PARPBP: variants seen among roughly 807,000 people sequenced by gnomAD.
The protein encoded by PARPBP is PCNA-interacting partner.
A neutral mutation model predicts 50.0 loss-of-function variants in PARPBP; 52 were observed. The observed-to-expected ratio is 1.04, with a 90% CI of 0.83 to 1.31. The LOEUF (loss-of-function observed/expected upper bound fraction) is 1.31, where lower values mean the gene tolerates loss of function less well. Among genes scored for constraint, PARPBP ranks in the 50% most tolerant of loss-of-function variants. The pLI is 0.00. For missense variants in PARPBP, 697 were observed against 672.0 expected (o/e 1.04, Z -0.41); for synonymous variants, 244 against 232.1 (o/e 1.05, Z -0.47).
chr12:102,141,712 C>T (rs1884633459), intron 2 of PARPBP, among the ~76,000 whole-genome samples: 1 of 152,148 alleles, frequency 6.6e-6, no homozygotes, highest in Non-Finnish European at 1.5e-5. Context: ...ATTTGCTTGT[C>T]TGTAAAGGAT....
chr12:102,197,041 T>G lies in PARPBP; in HGVS notation c.*750T>G, dbSNP rs940870183. 1.9e-6 allele frequency: 3 copies of G among 1,612,096 alleles called. No individual in the cohort carries two copies. The African/African-American group carries it at 4.0e-5, about 22-fold the overall frequency. On this transcript the variant is annotated 3_prime_UTR_variant, in exon 11 of 11. Transcript: ENST00000327680. Reference sequence around the variant, plus strand: ...TTCATCCCCAATTTCTCTCTTTTCTTGTGTTGATTCAGTATTCTGAACTCC... The same window carrying G: ...TTCATCCCCAATTTCTCTCTTTTCTGGTGTTGATTCAGTATTCTGAACTCC...
Position 102,196,047 on chromosome 12 carries a change from C to T in PARPBP, c.1496C>T (p.Ser499Leu), listed in dbSNP as rs143436739. 15 of 1,611,330 alleles carry T rather than the reference C, an allele frequency of 9.3e-6. No individual in the cohort carries two copies. The African/African-American group carries it at 1.6e-4, about 17-fold the overall frequency. The change falls in exon 11 of 11, where the codon TCA (serine) becomes TTA (leucine). Residue 499 changes from serine to leucine, a missense_variant. Coordinates refer to ENST00000327680, the MANE Select transcript of PARPBP (RefSeq NM_017915.5). ...AAAAATGAAAAAGTATCAAGAAAAT[C>T]AACCAGTCAGACAGGAAATAAAAGC... ...RSKNEKVSRK[S>L]TSQTGNKSSK...
At chr12:102,157,405 T>C (rs150156445) in intron 4 of PARPBP, among the ~76,000 whole-genome samples, 31 of 152,186 alleles carry the variant, frequency 2.0e-4, no homozygotes, top group Non-Finnish European at 4.0e-4. Context: ...CCCAAAATGG[T>C]TTTATATCTC....
chr12:102,164,426 T>G lies in PARPBP; in HGVS notation c.496-12T>G, dbSNP rs1274617442. ...TGCAATAAAGAAATTAACTGAATAT[T>G]TTATTGCACAGGTGCAGCTGCTAGC... is the stretch of plus-strand genomic sequence containing the variant. On this transcript the variant is annotated splice_polypyrimidine_tract_variant and intron_variant, in intron 4 of 10. Coordinates refer to ENST00000327680, the MANE Select transcript of PARPBP (RefSeq NM_017915.5). 1 of 1,595,322 alleles carries G rather than the reference T, an allele frequency of 6.3e-7. No individual in the cohort carries two copies. Among genetic ancestry groups the G allele is most frequent in the Admixed American group, 1.7e-5 (1 of 58,984 alleles).
At chr12:102,173,397 A>G (rs894341752) in intron 6 of PARPBP, among the ~76,000 whole-genome samples, 29 of 152,334 alleles carry the variant, frequency 1.9e-4, no homozygotes, top group African/African-American at 6.5e-4. Flanking sequence ...TCAGTGTAGT[A>G]AGACAAAAAG....
chr12:102,156,745 G>A (rs559818906), intron 4 of PARPBP, among the ~76,000 whole-genome samples: 35 of 152,012 alleles, frequency 2.3e-4, no homozygotes, highest in Non-Finnish European at 4.6e-4. Context: ...AGGTTCAAGC[G>A]ATCCTCCCAC....
intron 4 of PARPBP, among the ~76,000 whole-genome samples, chr12:102,160,242 C>G (rs772227396): frequency 2.0e-5 from 3 of 152,148 alleles, no homozygotes; most frequent in East Asian, 1.9e-4. Context: ...TGTGAGGACT[C>G]CAAGATGTTT....
intron 8 of PARPBP, among the ~76,000 whole-genome samples, chr12:102,181,760 C>A (rs1403959298): frequency 2.0e-5 from 3 of 152,102 alleles, no homozygotes; most frequent in Admixed American, 2.0e-4. Flanking sequence ...GAACAAAACA[C>A]CCCAGACTAG....
At chr12:102,176,415 G>A (rs760305847) in intron 7 of PARPBP, among the ~76,000 whole-genome samples, 1 of 152,086 alleles carries the variant, frequency 6.6e-6, no homozygotes, top group Non-Finnish European at 1.5e-5. Context: ...CTTCCATTCA[G>A]CAGTTTACTT....
At chr12:102,167,382 T>A (rs1387576754) in intron 6 of PARPBP, among the ~76,000 whole-genome samples, 1 of 152,188 alleles carries the variant, frequency 6.6e-6, no homozygotes, top group Non-Finnish European at 1.5e-5. Context: ...GTCTTTGTTT[T>A]ATCTAGATTG....
intron 9 of PARPBP, among the ~76,000 whole-genome samples, chr12:102,186,045 T>G (rs1313768995): frequency 6.6e-6 from 1 of 152,158 alleles, no homozygotes; most frequent in Non-Finnish European, 1.5e-5. Context: ...CTTGGTAGAT[T>G]GTGTATATGC....
chr12:102,141,988 A>G (rs898233342), intron 2 of PARPBP, among the ~76,000 whole-genome samples: 1 of 152,086 alleles, frequency 6.6e-6, no homozygotes, highest in African/African-American at 2.4e-5. Flanking sequence ...CTCGAGGAGT[A>G]TCTTTGTGGA....
At chr12:102,145,355 A>G (rs1885202853) in intron 2 of PARPBP, among the ~76,000 whole-genome samples, 2 of 152,188 alleles carry the variant, frequency 1.3e-5, no homozygotes, top group Non-Finnish European at 2.9e-5. Context: ...GAAGACAGCA[A>G]TGTATTACAT....
intron 5 of PARPBP, among the ~76,000 whole-genome samples, chr12:102,164,870 T>A (rs1225123381): frequency 3.9e-5 from 6 of 152,232 alleles, no homozygotes; most frequent in African/African-American, 1.4e-4. Context: ...GTTTCCAGTG[T>A]CAAAACGTTT....
In PARPBP at chr12:102,196,566, G is replaced by A. The variant is rs1891329566; in HGVS notation, c.*275G>A. On this transcript the variant is annotated 3_prime_UTR_variant, in exon 11 of 11. Transcript: ENST00000327680. Reference sequence around the variant, plus strand: ...TAAAACAGACATTTAACATACACAAGTTATAGTAGCAGTATGGGCTTCTCC... The same window carrying A: ...TAAAACAGACATTTAACATACACAAATTATAGTAGCAGTATGGGCTTCTCC... The A allele has an allele frequency of 9.5e-6, 9 of 948,544 alleles. No individual in the cohort carries two copies. Among genetic ancestry groups the A allele is most frequent in the Non-Finnish European group, 1.6e-5 (9 of 577,006 alleles). The allele number at this position is 948,544 out of a possible 1,614,324, so 58.8% of individuals were successfully genotyped here.
chr12:102,150,894 G>A (rs886355459), intron 3 of PARPBP, among the ~76,000 whole-genome samples: 1 of 152,154 alleles, frequency 6.6e-6, no homozygotes, highest in Non-Finnish European at 1.5e-5. Context: ...GTGAGGCTTG[G>A]GAGAACACAA....
chr12:102,191,270 A>G (rs1053993741), intron 9 of PARPBP, among the ~76,000 whole-genome samples: 6 of 152,216 alleles, frequency 3.9e-5, no homozygotes, highest in Non-Finnish European at 5.9e-5. Flanking sequence ...AGGATCATAA[A>G]ACGATAATGC....
At chr12:102,127,759 A>AT (rs1882231889) in intron 2 of PARPBP, among the ~76,000 whole-genome samples, 1 of 152,224 alleles carries the variant, frequency 6.6e-6, no homozygotes, top group African/African-American at 2.4e-5. Context: ...TATTCAAAAT[A>AT]TATTGTTAAT....
intron 1 of PARPBP, chr12:102,120,608 T>C: frequency 5.0e-6 from 2 of 399,924 alleles, no homozygotes. Context: ...GGACTCCAAT[T>C]CCTCAACTTT....
Sources: allele counts gnomAD v4.1 joint callset (sites outside exome capture counted in the v4.1 genomes callset), GRCh38; gene constraint gnomAD v4.1.1; transcripts MANE v1.5; gene names NCBI Gene and HGNC (gene_info 2026-07-23, HGNC 2026-07-21).